Variants in CUL3 observed in about 807,000 individuals in gnomAD.
The protein encoded by CUL3 is cullin 3.
In CUL3, 19 loss-of-function variants were observed where a neutral mutation model predicts 89.1. That is an observed-to-expected ratio of 0.21 (90% CI 0.15 to 0.31). The LOEUF is 0.31. CUL3 is among the 10% of genes least tolerant of loss of function. CUL3 has a pLI of 1.00. For synonymous variants in CUL3, 351 were observed against 308.4 expected, an observed-to-expected ratio of 1.14 and a Z score of -1.45; for missense variants, 469 against 942.3, an observed-to-expected ratio of 0.50 and a Z score of 6.58.
intron 2 of CUL3, among the ~76,000 whole-genome samples, chr2:224,540,925 A>T (rs931186978): frequency 2.0e-5 from 3 of 152,146 alleles, no homozygotes; most frequent in African/African-American, 7.2e-5. Context: ...AATGCCACTG[A>T]TTAACATTTA....
At chr2:224,484,554 A>T (rs1691647951) in intron 13 of CUL3, among the ~76,000 whole-genome samples, 1 of 152,154 alleles carries the variant, frequency 6.6e-6, no homozygotes, top group African/African-American at 2.4e-5. Flanking sequence ...GTATCTCATC[A>T]TATAGATGTG....
intron 2 of CUL3, among the ~76,000 whole-genome samples, chr2:224,537,702 A>T (rs986682852): frequency 6.6e-6 from 1 of 152,178 alleles, no homozygotes; most frequent in Non-Finnish European, 1.5e-5. Flanking sequence ...TACAAAAAAA[A>T]TACGTATTTC....
At position 224,524,016 on chromosome 2, in the gene CUL3, G is replaced by A. The variant is rs149004328; in HGVS notation, c.379-9244C>T. Among the ~76,000 whole-genome samples, 37 of 152,130 alleles carry A rather than the reference G, an allele frequency of 2.4e-4. 1 individual carries two copies. Among genetic ancestry groups the A allele is most frequent in the Admixed American group, 2.2e-3 (34 of 15,284 alleles). ...GACAGCTCTGTACAACAATGTGAAC[G>A]TACACTTAATAGCTCTGAACTGCAC... On this transcript the variant is annotated intron_variant, in intron 3 of 15. Transcript: ENST00000264414.
chr2:224,519,603 T>C (rs1350808277), intron 3 of CUL3, among the ~76,000 whole-genome samples: 1 of 152,154 alleles, frequency 6.6e-6, no homozygotes, highest in African/African-American at 2.4e-5. Flanking sequence ...CACAGAAACT[T>C]AAGTGTGGCT....
At chr2:224,489,638 T>C (rs994422091) in intron 13 of CUL3, among the ~76,000 whole-genome samples, 7 of 152,162 alleles carry the variant, frequency 4.6e-5, no homozygotes, top group African/African-American at 1.4e-4. Context: ...ATTGTGAAAA[T>C]GGCCATACTG....
At chr2:224,490,449 T>G (rs1435690394) in intron 13 of CUL3, among the ~76,000 whole-genome samples, 1 of 151,912 alleles carries the variant, frequency 6.6e-6, no homozygotes, top group Non-Finnish European at 1.5e-5. Context: ...TTGCCTTGTA[T>G]CCAATAACAG....
rs1181558849 is a variant in CUL3 at position 224,562,226 on chromosome 2, T to G, written c.67-4370A>C. Among the ~76,000 whole-genome samples the G allele has an allele frequency of 5.9e-5, 9 of 152,250 alleles. No individual in the cohort carries two copies. The East Asian group carries it at 1.3e-3, about 23-fold the overall frequency. On this transcript the variant is annotated intron_variant, in intron 1 of 15. Transcript: ENST00000264414. ...CAAGAGCTGTTTTACTACACAAGGTTGTATGTAGTGCGTTTTTTTTTTCTT... is the reference window on the plus strand; with the variant it reads ...CAAGAGCTGTTTTACTACACAAGGTGGTATGTAGTGCGTTTTTTTTTTCTT...
chr2:224,565,215 G>A (rs557024766), intron 1 of CUL3, among the ~76,000 whole-genome samples: 125 of 152,252 alleles, frequency 8.2e-4, no homozygotes, highest in Middle Eastern at 6.8e-3. Context: ...ATTACACACC[G>A]TATTCTTAGA....
rs1055203210 is a variant in CUL3, at chr2:224,545,086, T to C, written c.265-9445A>G. Among the ~76,000 whole-genome samples the C allele has an allele frequency of 3.9e-5, 6 of 152,318 alleles. No individual in the cohort carries two copies. The East Asian group carries it at 7.7e-4, about 20-fold the overall frequency. ...TAATATAAATTTGGTTAACAGATGT[T>C]GCTGTTATAATACATATAGCAATCT... is the stretch of plus-strand genomic sequence containing the variant. On this transcript the variant is annotated intron_variant, in intron 2 of 15. Transcript: ENST00000264414.
intron 1 of CUL3, among the ~76,000 whole-genome samples, chr2:224,558,661 C>T (rs139678548): frequency 0.011 from 1,730 of 152,228 alleles, 14 homozygotes; most frequent in Admixed American, 0.024. Flanking sequence ...GAAACAGAAT[C>T]GACATTTTAA....
At chr2:224,497,936 T>TTGTG (rs113318501) in intron 11 of CUL3, 87 bp from the exon 12 acceptor site, 170 of 923,136 alleles carry the variant, frequency 1.8e-4, no homozygotes, top group East Asian at 9.0e-4. Flanking sequence ...CCTTAAACAT[T>TTGTG]TGTGTGTGTG....
chr2:224,540,078 A>C (rs1206257856), intron 2 of CUL3, among the ~76,000 whole-genome samples: 1 of 137,270 alleles, frequency 7.3e-6, no homozygotes, highest in African/African-American at 2.8e-5. Flanking sequence ...TTTTTTTTAG[A>C]TGGAGTATCG....
chr2:224,473,892 C>A lies in CUL3; in HGVS notation c.*353G>T, dbSNP rs939089245. ...ACTACAAAACACATTTACATCAACA[C>A]TGAAGACCTGGGGAAATGAAATCCA... On this transcript the variant is annotated 3_prime_UTR_variant, in exon 16 of 16. Coordinates refer to ENST00000264414, the MANE Select transcript of CUL3 (RefSeq NM_003590.5). 8.8e-6 allele frequency: 2 copies of A among 225,992 alleles called. No homozygotes were observed. The highest frequency in any genetic ancestry group is 4.5e-5 in the African/African-American group (2 of 44,752). The allele number at this position is 225,992 out of a possible 1,614,324, so 14.0% of individuals were successfully genotyped here. A position where few individuals can be genotyped will look rare whatever the true frequency, so the allele number is the denominator to read the frequency against.
chr2:224,495,766 A>C, intron 13 of CUL3, 66 bp downstream of exon 13: 3 of 1,369,462 alleles, frequency 2.2e-6, no homozygotes, highest in East Asian at 2.3e-5. Context: ...TCAAATAAGA[A>C]AGACTCAAGT....
intron 1 of CUL3, among the ~76,000 whole-genome samples, chr2:224,562,147 A>G (rs1343966260): frequency 6.6e-6 from 1 of 152,218 alleles, no homozygotes; most frequent in Non-Finnish European, 1.5e-5. Flanking sequence ...GGCTTCAAAC[A>G]TTGTAAAAGT....
intron 6 of CUL3, among the ~76,000 whole-genome samples, chr2:224,509,249 T>C (rs1413904962): frequency 6.6e-6 from 1 of 152,178 alleles, no homozygotes; most frequent in Non-Finnish European, 1.5e-5. Context: ...GATCTCCCTC[T>C]GTAGCCCAGG....
chr2:224,476,368 A>G (rs1180624714), intron 15 of CUL3, among the ~76,000 whole-genome samples: 1 of 152,188 alleles, frequency 6.6e-6, no homozygotes, highest in African/African-American at 2.4e-5. Flanking sequence ...GGCCATTTAC[A>G]AAAACATCTG....
rs143350619 is a variant in CUL3, at chr2:224,474,263, T to C, written c.2289A>G (p.Val763=). 13 of 1,613,908 alleles carry C rather than the reference T, an allele frequency of 8.1e-6. No homozygotes were observed. In the African/African-American group the frequency reaches 1.7e-4, roughly 22 times the overall value. The change falls in exon 16 of 16, where the codon GTA becomes GTG. Residue 763 remains valine, a synonymous_variant. Coordinates refer to ENST00000264414, the MANE Select transcript of CUL3 (RefSeq NM_003590.5). The part of the protein sequence containing the change: ...YLARTPEDRK[V]YTYVA ...ACGCATTTTATGCTACATATGTGTA[T>C]ACTTTGCGATCCTCAGGTGTTCGTG...
intron 2 of CUL3, among the ~76,000 whole-genome samples, chr2:224,552,885 G>C (rs1413323071): frequency 6.6e-6 from 1 of 152,112 alleles, no homozygotes; most frequent in African/African-American, 2.4e-5. Flanking sequence ...AACAAAAAAA[G>C]GTATATTCTG....
Sources: allele counts gnomAD v4.1 joint callset (sites outside exome capture counted in the v4.1 genomes callset), GRCh38; gene constraint gnomAD v4.1.1; transcripts MANE v1.5; gene names NCBI Gene and HGNC (gene_info 2026-07-23, HGNC 2026-07-21).